The following LMF1 variants were observed in gnomAD, a reference collection of about 807,000 sequenced individuals.
The protein encoded by LMF1 is transmembrane protein 112.
A neutral mutation model predicts 60.6 loss-of-function variants in LMF1; 68 were observed. That is an observed-to-expected ratio of 1.12 (90% CI 0.92 to 1.37). LMF1 has a LOEUF of 1.37. Among genes scored for constraint, LMF1 ranks in the 40% most tolerant of loss-of-function variants. The pLI is 0.00. For synonymous variants in LMF1, 418 were observed against 324.7 expected, an observed-to-expected ratio of 1.29 and a Z score of -3.09; for missense variants, 948 against 767.2, an observed-to-expected ratio of 1.24 and a Z score of -2.78.
At chr16:911,292 T>A (rs2071105760) in intron 3 of LMF1, among the ~76,000 whole-genome samples, 1 of 152,088 alleles carries the variant, frequency 6.6e-6, no homozygotes, top group East Asian at 1.9e-4. Flanking sequence ...AGGGCCTAGG[T>A]CGGGACTTCC....
chr16:883,789 G>A (rs2070230738), intron 5 of LMF1: 1 of 152,084 alleles, frequency 6.6e-6, no homozygotes, highest in South Asian at 2.1e-4. Context: ...ATAACCAAAT[G>A]GTCACATTTT....
At chr16:970,727 G>T in intron 1 of LMF1, 61 bp downstream of exon 1, 1 of 1,434,490 alleles carries the variant, frequency 7.0e-7, no homozygotes, top group Non-Finnish European at 9.4e-7. Flanking sequence ...TCGAGGGAGG[G>T]CGGGGGTCGT....
At chr16:875,499 C>A (rs1417197178) in intron 6 of LMF1, among the ~76,000 whole-genome samples, 1 of 152,218 alleles carries the variant, frequency 6.6e-6, no homozygotes, top group Non-Finnish European at 1.5e-5. Flanking sequence ...CCCACTTTCT[C>A]CATTTACTTA....
intron 1 of LMF1, among the ~76,000 whole-genome samples, chr16:978,102 CACACACACCACACACCAT>C (rs2073218436): frequency 2.2e-5 from 3 of 134,582 alleles, no homozygotes; most frequent in Admixed American, 7.0e-5. Flanking sequence ...CACACGGACA[CACACACACCACACACCAT>C]ACACACACCA....
chr16:912,463 A>AAAT (rs2071150006), intron 3 of LMF1, among the ~76,000 whole-genome samples: 1 of 152,214 alleles, frequency 6.6e-6, no homozygotes, highest in Admixed American at 6.5e-5. Context: ...CTGGACTGTA[A>AAAT]CCCAAAGTAC....
chr16:974,713 G>A (rs915687790), upstream of LMF1, among the ~76,000 whole-genome samples: 1 of 152,176 alleles, frequency 6.6e-6, no homozygotes, highest in Non-Finnish European at 1.5e-5. Context: ...GCTGCGGGCC[G>A]GCTTCAGGGA....
intron 3 of LMF1, among the ~76,000 whole-genome samples, chr16:922,587 C>A (rs7500087): frequency 7.0e-6 from 1 of 143,360 alleles, no homozygotes; most frequent in Non-Finnish European, 1.5e-5. Flanking sequence ...GTCTGAAAGT[C>A]GCCTCGGTTT....
At chr16:943,303 G>A (rs1433349425) in intron 2 of LMF1, among the ~76,000 whole-genome samples, 2 of 151,506 alleles carry the variant, frequency 1.3e-5, no homozygotes, top group African/African-American at 2.4e-5. Flanking sequence ...CCCAGGAGGT[G>A]GAGCTTGCAG....
rs896580220 is a variant in LMF1, at chr16:962,266, G to A, written c.194-7600C>T. Among the ~76,000 whole-genome samples, 5 of 152,050 alleles carry A rather than the reference G, an allele frequency of 3.3e-5. No homozygotes were observed. The highest frequency in any genetic ancestry group is 3.9e-4 in the East Asian group (2 of 5,176). ...AGACACAGACTCACGGTGACAGCAC[G>A]GGATCACGACCCAGAGGGAAAATAA... On this transcript the variant is annotated intron_variant, in intron 1 of 10. Transcript: ENST00000262301. The surrounding 1 kb of genome is among the most constrained non-coding windows in gnomAD (Gnocchi z 4.5).
At chr16:964,212 C>T (rs955604249) in intron 1 of LMF1, 1 of 441,754 alleles carries the variant, frequency 2.3e-6, no homozygotes, top group Non-Finnish European at 4.6e-6. Context: ...AGGAGAATCT[C>T]TTGAAATCGG....
chr16:937,520 C>T (rs9328933), intron 2 of LMF1, among the ~76,000 whole-genome samples: 72,062 of 149,410 alleles, frequency 0.48, 18,761 homozygotes, highest in African/African-American at 0.69. Context: ...CTCTGTTGAC[C>T]GACAGGCTGC....
In LMF1 at chr16:874,199, C is replaced by T. The variant is rs180995474; in HGVS notation, c.898-2858G>A. On this transcript the variant is annotated intron_variant, in intron 6 of 10. Transcript: ENST00000262301. The surrounding 1 kb of genome is among the most constrained non-coding windows in gnomAD (Gnocchi z 4.1). ...TTGCGTTATCTGTGTTGTTTCATCACAACCGAAACACAGCTAAGGGCCGGT... is the reference window on the plus strand; with the variant it reads ...TTGCGTTATCTGTGTTGTTTCATCATAACCGAAACACAGCTAAGGGCCGGT... 6.6e-6 allele frequency among the ~76,000 whole-genome samples: 1 copy of T among 152,370 alleles called. No homozygotes were observed. The highest frequency in any genetic ancestry group is 2.4e-5 in the African/African-American group (1 of 41,600).
intron 6 of LMF1, among the ~76,000 whole-genome samples, chr16:875,817 C>T (rs1476567837): frequency 6.6e-6 from 1 of 152,180 alleles, no homozygotes; most frequent in Non-Finnish European, 1.5e-5. Context: ...GACCCTGGGG[C>T]AGCACAGCCC....
In LMF1 at chr16:870,195, C is replaced by G. The variant is rs929070092; in HGVS notation, c.1233-129G>C. On this transcript the variant is annotated intron_variant, in intron 8 of 10. Coordinates refer to ENST00000262301, the MANE Select transcript of LMF1 (RefSeq NM_022773.4). ...GGAGGGCTACAGCCTCCACCTGCCT[C>G]CTGGTCAGGGGCTACTGAGAGGCTG... is the stretch of plus-strand genomic sequence containing the variant. 1.1e-5 allele frequency: 12 copies of G among 1,063,364 alleles called. No individual in the cohort carries two copies. The African/African-American group carries it at 1.7e-4, about 15-fold the overall frequency. The allele number at this position is 1,063,364 out of a possible 1,614,324, so 65.9% of individuals were successfully genotyped here. A position where few individuals can be genotyped will look rare whatever the true frequency, so the allele number is the denominator to read the frequency against.
rs553637270 is a variant in LMF1 at position 874,720 on chromosome 16, G to T, written c.898-3379C>A. The stretch of plus-strand genomic sequence containing the variant: ...GATGGGAACACACGGAACCAGGACG[G>T]GATCCGGGGAGGCGGCGCTCAGATG... On this transcript the variant is annotated intron_variant, in intron 6 of 10. Transcript: ENST00000262301. The surrounding 1 kb of genome is among the most constrained non-coding windows in gnomAD (Gnocchi z 4.1). Among the ~76,000 whole-genome samples, 52 of 151,816 alleles carry T rather than the reference G, an allele frequency of 3.4e-4. No homozygotes were observed. Among genetic ancestry groups the T allele is most frequent in the Non-Finnish European group, 6.6e-4 (45 of 67,946 alleles).
chr16:880,254 G>A (rs1364317428), intron 5 of LMF1, among the ~76,000 whole-genome samples: 6 of 152,138 alleles, frequency 3.9e-5, no homozygotes, highest in South Asian at 2.1e-4. Context: ...GGCTCTAAGC[G>A]CAAGACCTGG....
chr16:868,920 G>A (rs1261765128), intron 10 of LMF1, 24 bp downstream of exon 10: 2 of 1,453,086 alleles, frequency 1.4e-6, no homozygotes, highest in Non-Finnish European at 1.9e-6. Context: ...AGACCCCTGA[G>A]CAGCGGCAGG....
intron 5 of LMF1, among the ~76,000 whole-genome samples, chr16:891,914 T>C (rs1596923054): frequency 2.0e-5 from 3 of 152,350 alleles, no homozygotes; most frequent in African/African-American, 7.2e-5. Context: ...GTTTACTTTC[T>C]GGTATTTCAC....
chr16:867,380 C>A (rs528026062), intron 10 of LMF1, among the ~76,000 whole-genome samples: 1 of 152,220 alleles, frequency 6.6e-6, no homozygotes. Flanking sequence ...TCCGTCACGA[C>A]CTGACGATGG....
Sources: gnomAD v4.1 joint callset for allele counts (sites outside exome capture counted in the v4.1 genomes callset) on GRCh38, gnomAD v4.1.1 for gene constraint, Gnocchi (gnomAD v3.1) non-coding constraint, MANE v1.5 for transcripts, NCBI Gene and HGNC (gene_info 2026-07-23, HGNC 2026-07-21) for gene names.